The following TIPARP variants were observed in gnomAD, a reference collection of about 807,000 sequenced individuals.
The protein encoded by TIPARP is TCDD inducible poly(ADP-ribose) polymerase.
TIPARP carries 12 observed loss-of-function variants against 56.5 expected under a neutral mutation model. The ratio of observed to expected loss-of-function variants is 0.21; its 90% CI spans 0.14 to 0.34. The LOEUF (loss-of-function observed/expected upper bound fraction) is 0.34, where lower values mean the gene tolerates loss of function less well. Ranked by LOEUF, TIPARP falls within the 10% of genes least tolerant of loss-of-function variation. The pLI is 1.00. For synonymous variants in TIPARP, 296 were observed against 265.7 expected, an observed-to-expected ratio of 1.11 and a Z score of -1.11; for missense variants, 604 against 781.6, an observed-to-expected ratio of 0.77 and a Z score of 2.71.
chr3:156,688,490 C>T (rs1248740519), intron 2 of TIPARP, among the ~76,000 whole-genome samples: 2 of 149,218 alleles, frequency 1.3e-5, no homozygotes, highest in African/African-American at 5.0e-5. Flanking sequence ...CCGCCCCCCC[C>T]CGCAATAAGT....
At chr3:156,699,016 A>G (rs935549461) in intron 4 of TIPARP, among the ~76,000 whole-genome samples, 56 of 152,200 alleles carry the variant, frequency 3.7e-4, no homozygotes, top group African/African-American at 1.3e-3. Flanking sequence ...TGTGGTGGCA[A>G]TAGCAAGAGA....
At chr3:156,685,016 A>T (rs576502008) in intron 2 of TIPARP, among the ~76,000 whole-genome samples, 11 of 152,386 alleles carry the variant, frequency 7.2e-5, no homozygotes, top group Admixed American at 1.3e-4. Context: ...GATTTTATGT[A>T]CAATAAATTC....
At chr3:156,691,237 A>G (rs1011230024) in intron 2 of TIPARP, among the ~76,000 whole-genome samples, 16 of 152,154 alleles carry the variant, frequency 1.1e-4, no homozygotes, top group Non-Finnish European at 2.2e-4. Context: ...AACTGCTTCT[A>G]AGATTCTTCT....
At chr3:156,685,532 A>G (rs981716724) in intron 2 of TIPARP, among the ~76,000 whole-genome samples, 1 of 152,232 alleles carries the variant, frequency 6.6e-6, no homozygotes, top group Admixed American at 6.5e-5. Flanking sequence ...TGTATTCTTC[A>G]TGCAAATTGA....
rs771589802 is a variant in TIPARP at position 156,695,995 on chromosome 3, G to A, written c.1217G>A (p.Arg406His). Reference sequence around the variant, plus strand: ...GAGATAAAAAGGAGACCCCTCTTCCGCTCCTGTTTTATACTGCTTCCATAT... The same window carrying A: ...GAGATAAAAAGGAGACCCCTCTTCCACTCCTGTTTTATACTGCTTCCATAT... ...RREIKRRPLF[R>H]SCFILLPYLQ... The change falls in exon 4 of 6, where the codon CGC becomes CAC. Residue 406 changes from arginine to histidine, a missense_variant. Arg to His is a conservative substitution (Grantham distance 29, BLOSUM62 0). Around this residue, in one of 4 missense-constraint regions of TIPARP, gnomAD observed 252 missense variants for 303.9 expected, o/e 0.83. Transcript: ENST00000295924. 71 of 1,609,766 alleles carry A rather than the reference G, an allele frequency of 4.4e-5. No individual in the cohort carries two copies. The highest frequency in any genetic ancestry group is 5.6e-5 in the Non-Finnish European group (66 of 1,178,718).
rs1156498749 is a variant in TIPARP at position 156,678,321 on chromosome 3, T to G, written c.624T>G (p.Thr208=). The part of the protein sequence containing the change: ...YILDTSDKLS[T]ELFQDKSEEA... ...TGGACACCAGTGATAAGCTGAGTACTGAGCTCTTTCAGGACAAAAGTGAAG... is the reference window on the plus strand; with the variant it reads ...TGGACACCAGTGATAAGCTGAGTACGGAGCTCTTTCAGGACAAAAGTGAAG... The change falls in exon 2 of 6, where the codon ACT becomes ACG. Residue 208 remains threonine, a synonymous_variant. Transcript: ENST00000295924. The G allele has an allele frequency of 1.9e-6, 3 of 1,614,104 alleles. No homozygotes were observed.
intron 4 of TIPARP, among the ~76,000 whole-genome samples, chr3:156,700,229 T>C (rs542379043): frequency 6.6e-6 from 1 of 152,186 alleles, no homozygotes; most frequent in East Asian, 1.9e-4. Flanking sequence ...TGCTTTAGCC[T>C]CCCAAGTAGC....
At chr3:156,694,638 A>G (rs1722663996) in intron 3 of TIPARP, among the ~76,000 whole-genome samples, 1 of 152,210 alleles carries the variant, frequency 6.6e-6, no homozygotes, top group African/African-American at 2.4e-5. Context: ...GAAAATGTTT[A>G]TTGAGCTGTG....
At chr3:156,703,401 A>T in intron 4 of TIPARP, 23 bp from the exon 5 acceptor site, 1 of 1,610,126 alleles carries the variant, frequency 6.2e-7, no homozygotes, top group Non-Finnish European at 8.5e-7. Context: ...TTTTACATTG[A>T]TGTTTCTTCC....
intron 5 of TIPARP, among the ~76,000 whole-genome samples, chr3:156,704,273 C>T (rs561733528): frequency 2.0e-5 from 3 of 152,262 alleles, no homozygotes; most frequent in African/African-American, 4.8e-5. Flanking sequence ...GAACCCAGGC[C>T]GTCTGGCACC....
intron 4 of TIPARP, among the ~76,000 whole-genome samples, chr3:156,696,265 C>T (rs891089751): frequency 6.6e-6 from 1 of 152,060 alleles, no homozygotes; most frequent in African/African-American, 2.4e-5. Context: ...CATTTTTCCA[C>T]AACTAAATAT....
chr3:156,678,453 T>G lies in TIPARP; in HGVS notation c.756T>G (p.Ile252Met), dbSNP rs201976652. 7 of 1,614,070 alleles carry G rather than the reference T, an allele frequency of 4.3e-6. No individual in the cohort carries two copies. The highest frequency in any genetic ancestry group is 2.7e-5 in the African/African-American group (2 of 74,926). The change falls in exon 2 of 6, where the codon ATT becomes ATG. Residue 252 changes from isoleucine to methionine, a missense_variant. Physicochemically the swap from Ile to Met is conservative, Grantham distance 10. Coordinates refer to ENST00000295924, the MANE Select transcript of TIPARP (RefSeq NM_015508.5). ...TGGACTTTCTGCAAGGCACTTGTAT[T>G]TATGGCAGGGATTGTTTGAAGCACC... ...ICMDFLQGTCIYGRDCLKHHT... is the reference protein window; with the variant it reads ...ICMDFLQGTCMYGRDCLKHHT...
In TIPARP at chr3:156,706,590, C is replaced by G. The variant is rs1438784639; in HGVS notation, c.*1459C>G. ...CTGTGGCTGTTACAGTTCTTTCATTCAATTATAACTTGTAAACCAGTGACT... is the reference window on the plus strand; with the variant it reads ...CTGTGGCTGTTACAGTTCTTTCATTGAATTATAACTTGTAAACCAGTGACT... On this transcript the variant is annotated 3_prime_UTR_variant, in exon 6 of 6. Coordinates refer to ENST00000295924, the MANE Select transcript of TIPARP (RefSeq NM_015508.5). The G allele has an allele frequency of 1.3e-5, 2 of 152,616 alleles. No homozygotes were observed. The highest frequency in any genetic ancestry group is 2.9e-5 in the Non-Finnish European group (2 of 68,040). The allele number at this position is 152,616 out of a possible 1,614,324, so 9.5% of individuals were successfully genotyped here.
At chr3:156,682,557 AC>A (rs1332456085) in intron 2 of TIPARP, among the ~76,000 whole-genome samples, 1 of 152,248 alleles carries the variant, frequency 6.6e-6, no homozygotes, top group Non-Finnish European at 1.5e-5. Flanking sequence ...AAAAGCATAT[AC>A]TGTTACAGTC....
In TIPARP at chr3:156,703,505, C is replaced by T; in HGVS notation, c.1329C>T (p.Val443=). The stretch of plus-strand genomic sequence containing the variant: ...CACAAATTATCTGCCCAGATGGGGT[C>T]ACTTCAGCAAACTTTTACCCTGAAA... The part of the protein sequence containing the change: ...SSSQIICPDG[V]TSANFYPETW... The change falls in exon 5 of 6, where the codon GTC becomes GTT. Residue 443 remains valine, a synonymous_variant. Transcript: ENST00000295924. The T allele has an allele frequency of 6.2e-7, 1 of 1,614,188 alleles. No individual in the cohort carries two copies. The highest frequency in any genetic ancestry group is 1.1e-5 in the South Asian group (1 of 91,082).
intron 4 of TIPARP, among the ~76,000 whole-genome samples, chr3:156,698,431 T>G (rs1722771555): frequency 6.6e-6 from 1 of 152,182 alleles, no homozygotes; most frequent in African/African-American, 2.4e-5. Flanking sequence ...CAGGGCTATC[T>G]TGTCAAGGGC....
intron 2 of TIPARP, among the ~76,000 whole-genome samples, chr3:156,688,804 C>G (rs1350872227): frequency 6.6e-6 from 1 of 152,178 alleles, no homozygotes; most frequent in East Asian, 1.9e-4. Context: ...ATTTCTTTAG[C>G]AGCGGCAAAC....
chr3:156,685,983 C>G (rs991820351), intron 2 of TIPARP, among the ~76,000 whole-genome samples: 1 of 152,190 alleles, frequency 6.6e-6, no homozygotes, highest in African/African-American at 2.4e-5. Context: ...CTGAGTGTCA[C>G]CTGGCTTAGC....
chr3:156,700,230 C>T (rs867756204), intron 4 of TIPARP, among the ~76,000 whole-genome samples: 13 of 152,146 alleles, frequency 8.5e-5, no homozygotes, highest in African/African-American at 3.1e-4. Context: ...GCTTTAGCCT[C>T]CCAAGTAGCT....
Sources: gnomAD v4.1 joint callset for allele counts (sites outside exome capture counted in the v4.1 genomes callset) on GRCh38, gnomAD v4.1.1 for gene constraint, gnomAD v4.1.1 regional missense constraint, MANE v1.5 for transcripts, NCBI Gene and HGNC (gene_info 2026-07-23, HGNC 2026-07-21) for gene names.